The following TFEC variants were observed in gnomAD, a reference collection of about 807,000 sequenced individuals.
The protein encoded by TFEC is transcription factor EC.
TFEC carries 31 observed loss-of-function variants against 41.6 expected under a neutral mutation model. The observed-to-expected ratio is 0.74, with a 90% CI of 0.56 to 1.01. The LOEUF (loss-of-function observed/expected upper bound fraction) is 1.01. TFEC is among the 50% of genes least tolerant of loss of function. TFEC has a pLI of 0.00. For synonymous variants in TFEC, 143 were observed against 140.6 expected (o/e 1.02, Z -0.12); for missense variants, 402 against 404.1 (o/e 0.99, Z 0.04).
At chr7:116,155,627 T>G (rs1798854831) in intron 1 of TFEC, among the ~76,000 whole-genome samples, 1 of 152,196 alleles carries the variant, frequency 6.6e-6, no homozygotes, top group Non-Finnish European at 1.5e-5. Context: ...CAGCTGTGAA[T>G]GCTCTTATGC....
intron 3 of TFEC, among the ~76,000 whole-genome samples, chr7:116,041,683 C>T (rs532898865): frequency 2.6e-5 from 4 of 152,162 alleles, no homozygotes; most frequent in Admixed American, 2.0e-4. Flanking sequence ...GAAAACTCTA[C>T]TTCATTGTCT....
intron 1 of TFEC, among the ~76,000 whole-genome samples, chr7:116,004,319 T>C (rs914880222): frequency 1.3e-5 from 2 of 152,134 alleles, no homozygotes; most frequent in African/African-American, 2.4e-5. Flanking sequence ...CCTATGAACA[T>C]GAAAGGGGTA....
intron 6 of TFEC, among the ~76,000 whole-genome samples, chr7:115,943,908 A>G (rs1793639829): frequency 6.9e-6 from 1 of 144,626 alleles, no homozygotes; most frequent in African/African-American, 2.9e-5. Flanking sequence ...TGGAAAATGT[A>G]CAATCTGTTG....
chr7:115,987,495 G>A (rs73218439), intron 1 of TFEC, among the ~76,000 whole-genome samples: 10,012 of 152,224 alleles, frequency 0.066, 450 homozygotes, highest in Non-Finnish European at 0.093. Flanking sequence ...TTGTTCATTT[G>A]TTCACTTATT....
intron 1 of TFEC, among the ~76,000 whole-genome samples, chr7:116,135,041 T>G (rs767263058): frequency 6.6e-6 from 1 of 152,126 alleles, no homozygotes; most frequent in Admixed American, 6.5e-5. Flanking sequence ...AAAACTAAGA[T>G]TGTAGTGAAT....
At chr7:115,984,564 T>TA in intron 1 of TFEC, 51 bp from the exon 2 acceptor site, 3 of 1,577,002 alleles carry the variant, frequency 1.9e-6, no homozygotes, top group Middle Eastern at 1.7e-4. Flanking sequence ...GCTGTGAAAT[T>TA]AGAGTTCTCC....
chr7:116,064,803 T>C (rs1281497146), intron 3 of TFEC, among the ~76,000 whole-genome samples: 1 of 152,064 alleles, frequency 6.6e-6, no homozygotes, highest in Non-Finnish European at 1.5e-5. Flanking sequence ...AATCAAGGAG[T>C]TCTGGGCCTT....
intron 3 of TFEC, among the ~76,000 whole-genome samples, chr7:116,098,032 T>C (rs908274627): frequency 6.6e-6 from 1 of 152,164 alleles, no homozygotes; most frequent in African/African-American, 2.4e-5. Context: ...GATCTAAACA[T>C]ATCAATCAAA....
At chr7:116,141,168 C>T (rs1268594097) in intron 1 of TFEC, among the ~76,000 whole-genome samples, 1 of 152,034 alleles carries the variant, frequency 6.6e-6, no homozygotes, top group African/African-American at 2.4e-5. Context: ...AGGAATGTAT[C>T]AGTAAGGCAG....
At chr7:116,145,265 T>C (rs1798619277) in intron 1 of TFEC, among the ~76,000 whole-genome samples, 1 of 152,138 alleles carries the variant, frequency 6.6e-6, no homozygotes, top group Non-Finnish European at 1.5e-5. Context: ...ATAATAAAAT[T>C]CATGCTCATG....
chr7:115,954,024 C>G (rs188236681), intron 5 of TFEC, among the ~76,000 whole-genome samples: 1 of 152,170 alleles, frequency 6.6e-6, no homozygotes, highest in South Asian at 2.1e-4. Flanking sequence ...TAAAGCTCAG[C>G]CTCGCTGCCA....
chr7:116,014,927 G>A (rs967054046), intron 1 of TFEC, among the ~76,000 whole-genome samples: 7 of 151,962 alleles, frequency 4.6e-5, no homozygotes, highest in African/African-American at 1.7e-4. Flanking sequence ...CTCCAACAAG[G>A]ATCTAAACCC....
intron 1 of TFEC, among the ~76,000 whole-genome samples, chr7:116,149,913 T>C (rs1283567313): frequency 6.6e-6 from 1 of 152,160 alleles, no homozygotes; most frequent in African/African-American, 2.4e-5. Flanking sequence ...TTTCTTCATG[T>C]AGTTTGTCTT....
chr7:115,983,699 T>C (rs965534958), intron 2 of TFEC, among the ~76,000 whole-genome samples: 1 of 152,184 alleles, frequency 6.6e-6, no homozygotes, highest in Non-Finnish European at 1.5e-5. Context: ...TAAATACTCA[T>C]TTATTTTGTA....
At chr7:115,991,889 A>G (rs1794134121) in intron 1 of TFEC, among the ~76,000 whole-genome samples, 1 of 152,232 alleles carries the variant, frequency 6.6e-6, no homozygotes, top group Admixed American at 6.5e-5. Flanking sequence ...TCCACCTTAA[A>G]TCAACAGAAT....
chr7:116,144,043 C>A (rs962916047), intron 1 of TFEC, among the ~76,000 whole-genome samples: 1 of 152,026 alleles, frequency 6.6e-6, no homozygotes, highest in Non-Finnish European at 1.5e-5. Context: ...CATGGTGAAA[C>A]GCTGTCTCTA....
At chr7:116,030,813 T>A, upstream of TFEC, 1 of 985,384 alleles carries the variant, frequency 1.0e-6, no homozygotes, top group African/African-American at 1.7e-5. Flanking sequence ...AAAAGAGAAG[T>A]GGCTCATTAG....
rs150203602 is a variant in TFEC, at chr7:116,112,109, C to T, written c.-68-71G>A. The T allele has an allele frequency of 2.3e-3, 1,832 of 803,794 alleles. 9 individuals carry two copies. Among genetic ancestry groups the T allele is most frequent in the Middle Eastern group, 0.015 (24 of 1,582 alleles). 49.8% of individuals were successfully genotyped at this position (803,794 alleles called of 1,614,324 possible). On this transcript the variant is annotated intron_variant, in intron 1 of 8. Coordinates refer to the TFEC transcript ENST00000484212. Reference sequence around the variant, plus strand: ...TAATACTGTTCTTATTTGATTCATACGTTGTACATTATTATAAGGCAAAAA... The same window carrying T: ...TAATACTGTTCTTATTTGATTCATATGTTGTACATTATTATAAGGCAAAAA...
chr7:115,945,146 T>G (rs923853860), intron 6 of TFEC, among the ~76,000 whole-genome samples: 6 of 151,222 alleles, frequency 4.0e-5, no homozygotes, highest in African/African-American at 1.2e-4. Flanking sequence ...TGGTCTTTTT[T>G]TTTTTTCAGA....
Sources: gnomAD v4.1 joint callset for allele counts (sites outside exome capture counted in the v4.1 genomes callset) on GRCh38, gnomAD v4.1.1 for gene constraint, MANE v1.5 for transcripts, NCBI Gene and HGNC (gene_info 2026-07-23, HGNC 2026-07-21) for gene names.